Variants in DIPK1A observed in about 807,000 individuals in gnomAD.
The protein encoded by DIPK1A is family with sequence similarity 69 member A.
DIPK1A carries 27 observed loss-of-function variants against 40.8 expected under a neutral mutation model. The observed-to-expected ratio is 0.66, with a 90% CI of 0.49 to 0.91. The LOEUF (loss-of-function observed/expected upper bound fraction) is 0.91, where lower values mean the gene tolerates loss of function less well. Among genes scored for constraint, DIPK1A ranks in the 40% least tolerant of loss-of-function variants. The probability of loss-of-function intolerance (pLI) is 0.00; values close to 1 mark genes in which losing one functional copy is unlikely to be tolerated. For missense variants in DIPK1A, 412 were observed against 505.7 expected (o/e 0.81, Z 1.78); for synonymous variants, 166 against 171.3 (o/e 0.97, Z 0.24).
At position 92,843,515 on chromosome 1, in the gene DIPK1A, T is replaced by C. The variant is rs541157297; in HGVS notation, c.1155A>G (p.Glu385=). ...TACAAGAATAAAGCTGCTTTTCTAA[T>C]TCTTCACGAATTTCACTTGGAGCAC... ...LRGAPSEIRE[E]LEKQLYSCIA... Residue 385 remains glutamate, a synonymous_variant, in exon 5 of 5, where the codon GAA becomes GAG. Transcript: ENST00000370310. The C allele has an allele frequency of 1.3e-6, 2 of 1,551,988 alleles. No homozygotes were observed. The highest frequency in any genetic ancestry group is 2.7e-5 in the African/African-American group (2 of 73,178).
intron 1 of DIPK1A, among the ~76,000 whole-genome samples, chr1:92,921,650 G>A (rs1174225229): frequency 6.6e-6 from 1 of 152,174 alleles, no homozygotes; most frequent in East Asian, 1.9e-4. Flanking sequence ...TCTGGAGAAA[G>A]ACCAGCTCCT....
chr1:92,857,329 T>C (rs1208925821), intron 2 of DIPK1A, among the ~76,000 whole-genome samples: 3 of 151,948 alleles, frequency 2.0e-5, no homozygotes, highest in Non-Finnish European at 4.4e-5. Context: ...TGTTTTTTTT[T>C]TTTTTTTCTG....
chr1:92,840,790 G>T (rs1191299921), downstream of DIPK1A: 1 of 744,998 alleles, frequency 1.3e-6, no homozygotes, highest in South Asian at 1.4e-5. Context: ...AAGTAACTGT[G>T]GTGATGGAAA....
chr1:92,864,458 G>A (rs1402622124), intron 2 of DIPK1A, among the ~76,000 whole-genome samples: 1 of 152,106 alleles, frequency 6.6e-6, no homozygotes, highest in African/African-American at 2.4e-5. Flanking sequence ...TTATTACCCA[G>A]GTAGAAACTT....
At chr1:92,868,028 G>T (rs556821784) in intron 2 of DIPK1A, among the ~76,000 whole-genome samples, 1 of 152,336 alleles carries the variant, frequency 6.6e-6, no homozygotes, top group South Asian at 2.1e-4. Context: ...CAACGGATAT[G>T]TCAGAGCATC....
chr1:92,909,071 T>C (rs1055295593), intron 1 of DIPK1A, among the ~76,000 whole-genome samples: 5 of 152,154 alleles, frequency 3.3e-5, no homozygotes, highest in African/African-American at 1.2e-4. Flanking sequence ...ATTAGGAAAG[T>C]AATATAAAAG....
chr1:92,928,356 T>TA, intron 1 of DIPK1A, among the ~76,000 whole-genome samples: 1 of 152,364 alleles, frequency 6.6e-6, no homozygotes, highest in East Asian at 1.9e-4. Context: ...GTGCTACTGT[T>TA]ATAAACCCTA....
chr1:92,847,711 T>G (rs1435911407), intron 3 of DIPK1A, among the ~76,000 whole-genome samples: 5 of 152,190 alleles, frequency 3.3e-5, no homozygotes. Flanking sequence ...AAACTAATAT[T>G]ATATAGTGTT....
Position 92,858,540 on chromosome 1 carries a change from G to C in DIPK1A, c.190-7585C>G, listed in dbSNP as rs773912107. On this transcript the variant is annotated intron_variant, in intron 2 of 4. Coordinates refer to ENST00000370310, the MANE Select transcript of DIPK1A (RefSeq NM_001006605.5). ...GGCTTTGGCTTTAAAATCTCATTGA[G>C]GATTAAAGTGCATACTTTTCTATAA... Among the ~76,000 whole-genome samples, 3 of 151,964 alleles carry C rather than the reference G, an allele frequency of 2.0e-5. No homozygotes were observed. The South Asian group carries it at 6.2e-4, about 31-fold the overall frequency.
intron 1 of DIPK1A, among the ~76,000 whole-genome samples, chr1:92,954,536 G>A (rs575208943): frequency 4.6e-4 from 69 of 151,634 alleles, no homozygotes; most frequent in South Asian, 4.2e-3. Flanking sequence ...CACCATACCC[G>A]GCTATTTTTT....
At chr1:92,845,356 G>A (rs570262457) in intron 4 of DIPK1A, 1 of 140,076 alleles carries the variant, frequency 7.1e-6, no homozygotes, top group African/African-American at 2.8e-5. Flanking sequence ...TAGTTTTAGT[G>A]ACATGTAATA....
intron 1 of DIPK1A, among the ~76,000 whole-genome samples, chr1:92,921,090 A>G (rs1004888585): frequency 6.6e-6 from 1 of 152,132 alleles, no homozygotes; most frequent in African/African-American, 2.4e-5. Flanking sequence ...GGTTGGAGGA[A>G]GCCGGTTTCC....
intron 1 of DIPK1A, among the ~76,000 whole-genome samples, chr1:92,884,688 T>C (rs1339032018): frequency 1.3e-5 from 2 of 152,186 alleles, no homozygotes; most frequent in African/African-American, 4.8e-5. Context: ...GGAATCCTAA[T>C]TGGCACTTAA....
intron 1 of DIPK1A, among the ~76,000 whole-genome samples, chr1:92,947,948 G>A (rs892415226): frequency 3.9e-5 from 6 of 152,176 alleles, no homozygotes; most frequent in Admixed American, 3.3e-4. Context: ...ACACAAAAGT[G>A]CAGCTAGATA....
At chr1:92,856,812 G>A (rs1445500836) in intron 2 of DIPK1A, among the ~76,000 whole-genome samples, 1 of 152,174 alleles carries the variant, frequency 6.6e-6, no homozygotes, top group East Asian at 1.9e-4. Context: ...GTACAGTCTT[G>A]GAAGGACTGC....
At chr1:92,896,838 G>A (rs938826230) in intron 1 of DIPK1A, among the ~76,000 whole-genome samples, 1 of 151,252 alleles carries the variant, frequency 6.6e-6, no homozygotes, top group African/African-American at 2.4e-5. Flanking sequence ...TCAAAAAGTG[G>A]GTGAAGGATA....
chr1:92,923,811 C>G (rs1367691256), intron 1 of DIPK1A, among the ~76,000 whole-genome samples: 1 of 152,080 alleles, frequency 6.6e-6, no homozygotes, highest in East Asian at 1.9e-4. Flanking sequence ...AGGCTTCCAT[C>G]TGGGGCAGGT....
chr1:92,945,248 A>G (rs1260834859), intron 1 of DIPK1A, among the ~76,000 whole-genome samples: 2 of 152,158 alleles, frequency 1.3e-5, no homozygotes, highest in East Asian at 1.9e-4. Flanking sequence ...ATAAAGGAAG[A>G]TGGTGCCAGA....
At chr1:92,924,124 C>T (rs1557486952) in intron 1 of DIPK1A, among the ~76,000 whole-genome samples, 1 of 152,016 alleles carries the variant, frequency 6.6e-6, no homozygotes, top group Non-Finnish European at 1.5e-5. Flanking sequence ...ATTTTTGATG[C>T]TATTAAAAGA....
Sources: gnomAD v4.1 joint callset for allele counts (sites outside exome capture counted in the v4.1 genomes callset) on GRCh38, gnomAD v4.1.1 for gene constraint, MANE v1.5 for transcripts, NCBI Gene and HGNC (gene_info 2026-07-23, HGNC 2026-07-21) for gene names.